The following CEP41 variants were observed in gnomAD, a reference collection of about 807,000 sequenced individuals.
CEP41 encodes the protein centrosomal protein 41.
A neutral mutation model predicts 44.3 loss-of-function variants in CEP41; 32 were observed. The ratio of observed to expected loss-of-function variants is 0.72; its 90% CI spans 0.54 to 0.97. CEP41 has a LOEUF of 0.97. Among genes scored for constraint, CEP41 ranks in the 50% least tolerant of loss-of-function variants. CEP41 has a pLI of 0.00. For synonymous variants in CEP41, 151 were observed against 168.5 expected (o/e 0.90, Z 0.80); for missense variants, 432 against 455.2 (o/e 0.95, Z 0.46).
chr7:130,408,644 CA>C (rs1191841995), intron 5 of CEP41, among the ~76,000 whole-genome samples: 7 of 152,160 alleles, frequency 4.6e-5, no homozygotes, highest in Non-Finnish European at 1.0e-4. Context: ...GGAATGCAAA[CA>C]GGTAGAACCA....
rs1251966803 is a variant in CEP41 at position 130,400,725 on chromosome 7, G to C, written c.739C>G (p.Leu247Val). The C allele has an allele frequency of 6.2e-7, 1 of 1,611,814 alleles. No individual in the cohort carries two copies. Among genetic ancestry groups the C allele is most frequent in the Non-Finnish European group, 8.5e-7 (1 of 1,178,294 alleles). ...TTMCERGFEN[L>V]FMLSGGLKVL... The stretch of plus-strand genomic sequence containing the variant: ...TGCTCACCTCCGGAAAGCATGAAGA[G>C]GTTTTCAAATCCACGCTCGCACATG... The change falls in exon 9 of 11, where the codon CTC (leucine) becomes GTC (valine). Residue 247 changes from leucine to valine, a missense_variant. Coordinates refer to ENST00000223208, the MANE Select transcript of CEP41 (RefSeq NM_018718.3).
chr7:130,414,990 A>G (rs1554420580), intron 3 of CEP41, among the ~76,000 whole-genome samples: 1 of 152,200 alleles, frequency 6.6e-6, no homozygotes, highest in Admixed American at 6.5e-5. Flanking sequence ...AGACCTGACT[A>G]TCTAGGATGT....
intron 2 of CEP41, chr7:130,419,921 C>A: frequency 1.0e-6 from 1 of 985,326 alleles, no homozygotes; most frequent in Non-Finnish European, 1.2e-6. Flanking sequence ...CCTTACTAGA[C>A]AGAAAGCCAA....
chr7:130,409,569 G>T (rs1051500017), intron 5 of CEP41, among the ~76,000 whole-genome samples: 17 of 152,190 alleles, frequency 1.1e-4, no homozygotes, highest in Admixed American at 1.0e-3. Flanking sequence ...TGACAGTTGA[G>T]TTGCACAAAC....
At chr7:130,402,987 A>G (rs1468012680) in intron 6 of CEP41, among the ~76,000 whole-genome samples, 188 bp from the exon 7 acceptor site, 5 of 152,104 alleles carry the variant, frequency 3.3e-5, no homozygotes, top group African/African-American at 1.2e-4. Context: ...TTTCTCTTCT[A>G]CTACACTGGA....
intron 10 of CEP41, 44 bp from the exon 11 acceptor site, chr7:130,399,083 C>A: frequency 1.2e-6 from 2 of 1,608,970 alleles, no homozygotes; most frequent in South Asian, 1.1e-5. Context: ...AAGAATGATT[C>A]CAGGGACAAT....
chr7:130,422,017 A>T, intron 2 of CEP41: 1 of 1,535,864 alleles, frequency 6.5e-7, no homozygotes, highest in Non-Finnish European at 8.7e-7. Flanking sequence ...CCTATGGAAC[A>T]AAAGAAATAT....
intron 2 of CEP41, among the ~76,000 whole-genome samples, chr7:130,425,998 T>A (rs1797649790): frequency 6.6e-6 from 1 of 151,474 alleles, no homozygotes; most frequent in Non-Finnish European, 1.5e-5. Flanking sequence ...GGGGTGGGAG[T>A]AGAAAGTGGG....
chr7:130,407,421 C>G (rs1554418437), intron 5 of CEP41, among the ~76,000 whole-genome samples: 1 of 151,820 alleles, frequency 6.6e-6, no homozygotes, highest in East Asian at 1.9e-4. Flanking sequence ...TATGTATATA[C>G]ATACATAATT....
At chr7:130,406,355 G>A (rs1004262727) in intron 5 of CEP41, among the ~76,000 whole-genome samples, 21 of 152,024 alleles carry the variant, frequency 1.4e-4, no homozygotes, top group African/African-American at 4.8e-4. Context: ...AGGCTGAGGC[G>A]GGTGGATCAC....
chr7:130,412,006 C>A, intron 4 of CEP41, 173 bp downstream of exon 4: 4 of 614,988 alleles, frequency 6.5e-6, no homozygotes, highest in East Asian at 2.7e-5. Context: ...CATTTCTCAC[C>A]ATCTTCATGT....
intron 2 of CEP41, chr7:130,421,966 A>G (rs782228557): frequency 9.1e-6 from 14 of 1,535,830 alleles, no homozygotes; most frequent in Non-Finnish European, 1.1e-5. Flanking sequence ...TTCATGGCAC[A>G]GTCTGGCAGT....
intron 1 of CEP41, among the ~76,000 whole-genome samples, chr7:130,439,623 GCAGCATTTAGA>G: frequency 6.6e-6 from 1 of 152,154 alleles, no homozygotes; most frequent in Non-Finnish European, 1.5e-5. Context: ...GTGAGATCAT[GCAGCATTTAGA>G]CATTACCAAT....
intron 1 of CEP41, among the ~76,000 whole-genome samples, chr7:130,439,664 G>T (rs1798082361): frequency 6.6e-6 from 1 of 152,172 alleles, no homozygotes; most frequent in African/African-American, 2.4e-5. Context: ...CTCTCTTGCA[G>T]GGCTTAGACT....
In CEP41 at chr7:130,393,849, TAA is replaced by T. The variant is rs1394598204; in HGVS notation, c.*5040_*5041del. 1.5e-5 allele frequency: 7 copies of T among 454,018 alleles called. No homozygotes were observed. The East Asian group carries it at 2.8e-4, about 18-fold the overall frequency. 28.1% of individuals were successfully genotyped at this position (454,018 alleles called of 1,614,324 possible). ...TACTTTTTTCCCCCTACAATATAAT[TAA>T]AAGTTTGTAATTCTCATTCCTTAAG... On this transcript the variant is annotated 3_prime_UTR_variant, in exon 11 of 11. Coordinates refer to ENST00000223208, the MANE Select transcript of CEP41 (RefSeq NM_018718.3).
chr7:130,440,605 C>G (rs1554427330), intron 1 of CEP41: 4 of 529,604 alleles, frequency 7.6e-6, no homozygotes, highest in Non-Finnish European at 1.0e-5. Flanking sequence ...GTGTGCAGCG[C>G]TTCCTTTGTC....
chr7:130,409,233 A>G (rs1250703963), intron 5 of CEP41, among the ~76,000 whole-genome samples: 5 of 152,234 alleles, frequency 3.3e-5, no homozygotes, highest in Non-Finnish European at 7.3e-5. Flanking sequence ...TTATCTGTGT[A>G]GAGCACTAGA....
chr7:130,398,863 A>G lies in CEP41; in HGVS notation c.*28T>C, dbSNP rs782654839. 13 of 1,613,722 alleles carry G rather than the reference A, an allele frequency of 8.1e-6. No individual in the cohort carries two copies. In the South Asian group the frequency reaches 1.4e-4, roughly 18 times the overall value. On this transcript the variant is annotated 3_prime_UTR_variant, in exon 11 of 11. Coordinates refer to ENST00000223208, the MANE Select transcript of CEP41 (RefSeq NM_018718.3). ...CAGGGGTTCTGAAAAGAGGAAGAAC[A>G]TTTATTTGCCTAAGTGAGACAAAGT... is the stretch of plus-strand genomic sequence containing the variant.
chr7:130,398,990 A>C lies in CEP41; in HGVS notation c.1023T>G (p.Gly341=), dbSNP rs1019143276. 5.6e-6 allele frequency: 9 copies of C among 1,614,104 alleles called. No homozygotes were observed. The highest frequency in any genetic ancestry group is 1.1e-5 in the South Asian group (1 of 91,092). ...NSSGRESKVP[G]ARSAQNLPGG... is the part of the protein sequence containing the mutation. Reference sequence around the variant, plus strand: ...CTGGCAGATTCTGAGCGCTTCGGGCACCAGGCACCTTGGACTCTCTTCCGG... The same window carrying C: ...CTGGCAGATTCTGAGCGCTTCGGGCCCCAGGCACCTTGGACTCTCTTCCGG... The change falls in exon 11 of 11, where the codon GGT becomes GGG. Residue 341 remains glycine (G), a synonymous_variant. Transcript: ENST00000223208.
Sources: allele counts gnomAD v4.1 joint callset (sites outside exome capture counted in the v4.1 genomes callset), GRCh38; gene constraint gnomAD v4.1.1; transcripts MANE v1.5; gene names NCBI Gene and HGNC (gene_info 2026-07-23, HGNC 2026-07-21).